MAP3K3: variants seen among roughly 807,000 people sequenced by gnomAD.
MAP3K3 encodes the protein mitogen-activated protein kinase kinase kinase 3.
Under a neutral mutation model 80.9 loss-of-function variants are expected in MAP3K3, and 12 were observed. That is an observed-to-expected ratio of 0.15 (90% CI 0.10 to 0.24). MAP3K3 has a LOEUF of 0.24. Ranked by LOEUF, MAP3K3 falls within the 10% of genes least tolerant of loss-of-function variation. MAP3K3 has a pLI of 1.00. For missense variants in MAP3K3, 596 were observed against 834.7 expected, an observed-to-expected ratio of 0.71 and a Z score of 3.52; for synonymous variants, 272 against 307.1, an observed-to-expected ratio of 0.89 and a Z score of 1.19.
intron 10 of MAP3K3, 76 bp downstream of exon 10, chr17:63,688,957 C>A: frequency 1.0e-6 from 1 of 1,004,972 alleles, no homozygotes; most frequent in Non-Finnish European, 1.6e-6. Flanking sequence ...TGGGTTCGTC[C>A]ATGCAGTGCC....
At chr17:63,672,203 A>G (rs1010876923) in intron 6 of MAP3K3, among the ~76,000 whole-genome samples, 1 of 151,768 alleles carries the variant, frequency 6.6e-6, no homozygotes, top group African/African-American at 2.4e-5. Flanking sequence ...GAATTGTTTG[A>G]ACCCGGGAGG....
chr17:63,685,206 A>G (rs2035422114), intron 7 of MAP3K3, among the ~76,000 whole-genome samples: 1 of 152,192 alleles, frequency 6.6e-6, no homozygotes, highest in South Asian at 2.1e-4. Context: ...GGGTAGTACC[A>G]TCTCCAGCGC....
At chr17:63,636,839 C>T (rs768352845) in intron 2 of MAP3K3, 3 of 357,948 alleles carry the variant, frequency 8.4e-6, no homozygotes, top group Non-Finnish European at 5.5e-6. Context: ...AAGAAGACTG[C>T]GTTGGTGGTC....
chr17:63,628,830 A>T (rs372510401), intron 1 of MAP3K3, among the ~76,000 whole-genome samples: 6 of 152,342 alleles, frequency 3.9e-5, no homozygotes, highest in South Asian at 4.1e-4. Flanking sequence ...AAAATTAAGT[A>T]TTAGGGTAGA....
intron 1 of MAP3K3, among the ~76,000 whole-genome samples, chr17:63,626,960 T>C (rs187225311): frequency 3.7e-3 from 558 of 152,234 alleles, no homozygotes; most frequent in Non-Finnish European, 4.8e-3. Context: ...GGGATAACAA[T>C]GTTTATTAGA....
At chr17:63,625,334 C>T (rs1467558885) in intron 1 of MAP3K3, among the ~76,000 whole-genome samples, 1 of 151,680 alleles carries the variant, frequency 6.6e-6, no homozygotes, top group African/African-American at 2.4e-5. Flanking sequence ...TTGGGATTGA[C>T]TGGTTGTTTT....
At chr17:63,651,619 A>C (rs1045345515) in intron 3 of MAP3K3, among the ~76,000 whole-genome samples, 1 of 152,190 alleles carries the variant, frequency 6.6e-6, no homozygotes, top group Non-Finnish European at 1.5e-5. Flanking sequence ...TGTTTTATCA[A>C]TTCCCACTTT....
chr17:63,690,175 C>T, intron 11 of MAP3K3, 89 bp from the exon 12 acceptor site: 1 of 1,454,854 alleles, frequency 6.9e-7, no homozygotes, highest in Non-Finnish European at 9.3e-7. Context: ...TGAGGGGGAG[C>T]CTGAGCCAGA....
chr17:63,646,159 T>C (rs2034537942), intron 3 of MAP3K3, 85 bp downstream of exon 3: 3 of 1,256,454 alleles, frequency 2.4e-6, no homozygotes, highest in Non-Finnish European at 3.5e-6. Flanking sequence ...CATTCCCCTG[T>C]CCTGATCCCT....
chr17:63,652,539 C>G lies in MAP3K3; in HGVS notation c.168-18C>G, dbSNP rs776200737. 1.3e-6 allele frequency: 2 copies of G among 1,577,894 alleles called. No homozygotes were observed. The highest frequency in any genetic ancestry group is 1.7e-6 in the Non-Finnish European group (2 of 1,147,282). On this transcript the variant is annotated intron_variant, in intron 3 of 15. Transcript: ENST00000361733. ...TTAAGTATACAATTAACCAACCTTT[C>G]TTTCTGTTTCTTTTCAGAATTATAG...
At chr17:63,648,730 G>T (rs145561922) in intron 3 of MAP3K3, among the ~76,000 whole-genome samples, 1 of 152,070 alleles carries the variant, frequency 6.6e-6, no homozygotes, top group African/African-American at 2.4e-5. Flanking sequence ...CAGGAGAATC[G>T]CTTGAACCTG....
chr17:63,690,009 A>AG, intron 11 of MAP3K3: 1 of 580,164 alleles, frequency 1.7e-6, no homozygotes, highest in Non-Finnish European at 3.0e-6. Flanking sequence ...GGGCTTTGGA[A>AG]GGAAATGCAT....
chr17:63,693,411 C>G lies in MAP3K3; in HGVS notation c.1653-138C>G. 1.5e-6 allele frequency: 1 copy of G among 662,380 alleles called. No individual in the cohort carries two copies. Among genetic ancestry groups the G allele is most frequent in the Non-Finnish European group, 2.6e-6 (1 of 388,830 alleles). The allele number at this position is 662,380 out of a possible 1,614,324, so 41.0% of individuals were successfully genotyped here. The stretch of plus-strand genomic sequence containing the variant: ...CATGAAGCCCACGTGGACAGACATC[C>G]AAGCTGAGGTATCCCTCAGCTTGGC... On this transcript the variant is annotated intron_variant, in intron 15 of 15. Coordinates refer to ENST00000361733, the MANE Select transcript of MAP3K3 (RefSeq NM_002401.5). The surrounding 1 kb of genome is among the most constrained non-coding windows in gnomAD (Gnocchi z 4.2).
At chr17:63,685,778 C>T (rs565114121) in intron 8 of MAP3K3, among the ~76,000 whole-genome samples, 188 bp downstream of exon 8, 9 of 152,304 alleles carry the variant, frequency 5.9e-5, no homozygotes, top group African/African-American at 2.2e-4. Flanking sequence ...AATAATAGCT[C>T]ATAAAATAGC....
chr17:63,690,724 C>G (rs2035568018), intron 12 of MAP3K3: 1 of 438,862 alleles, frequency 2.3e-6, no homozygotes, highest in Non-Finnish European at 4.2e-6. Flanking sequence ...CTCCCCAGCT[C>G]TCAGCCCAGG....
chr17:63,692,092 C>G lies in MAP3K3; in HGVS notation c.1475-150C>G. ...TTTTGTGCGGTAGATCTGAGACTCC[C>G]CTTTGCTAAATCCTTTGCCCTTTGC... is the stretch of plus-strand genomic sequence containing the variant. On this transcript the variant is annotated intron_variant, in intron 14 of 15. Coordinates refer to ENST00000361733, the MANE Select transcript of MAP3K3 (RefSeq NM_002401.5). The surrounding 1 kb of genome is among the most constrained non-coding windows in gnomAD (Gnocchi z 4.5). 1.0e-6 allele frequency: 1 copy of G among 957,014 alleles called. No homozygotes were observed. Among genetic ancestry groups the G allele is most frequent in the South Asian group, 1.6e-5 (1 of 64,234 alleles). 59.3% of individuals were successfully genotyped at this position (957,014 alleles called of 1,614,324 possible).
chr17:63,646,161 C>A (rs999233996), intron 3 of MAP3K3, 87 bp downstream of exon 3: 1 of 1,246,452 alleles, frequency 8.0e-7, no homozygotes, highest in Non-Finnish European at 1.2e-6. Context: ...TTCCCCTGTC[C>A]TGATCCCTGT....
chr17:63,691,843 T>C lies in MAP3K3; in HGVS notation c.1455T>C (p.Ile485=). The C allele has an allele frequency of 6.2e-7, 1 of 1,614,056 alleles. No individual in the cohort carries two copies. The highest frequency in any genetic ancestry group is 8.5e-7 in the Non-Finnish European group (1 of 1,179,958). The change falls in exon 14 of 16, where the codon ATT becomes ATC. Residue 485 remains isoleucine (I), a synonymous_variant. Transcript: ENST00000361733. The surrounding 1 kb of genome is among the most constrained non-coding windows in gnomAD (Gnocchi z 4.8). Reference sequence around the variant, plus strand: ...TGTCCTACCTGCACAGCAACATGATTGTTCACCGGGACATTAAGGGTGAGC... The same window carrying C: ...TGTCCTACCTGCACAGCAACATGATCGTTCACCGGGACATTAAGGGTGAGC... The part of the protein sequence containing the change: ...EGMSYLHSNM[I]VHRDIKGANI...
rs902103224 is a variant in MAP3K3 at position 63,695,017 on chromosome 17, C to T, written c.*1240C>T. ...CGCTGGTCCTTTCTTCCGGCCCCTC[C>T]CCTCCAAAATGTGCCTATTGCTAGA... On this transcript the variant is annotated 3_prime_UTR_variant, in exon 16 of 16. Transcript: ENST00000361733. The surrounding 1 kb of genome is among the most constrained non-coding windows in gnomAD (Gnocchi z 4.1). 6.6e-6 allele frequency: 1 copy of T among 152,558 alleles called. No homozygotes were observed. Among genetic ancestry groups the T allele is most frequent in the Admixed American group, 6.6e-5 (1 of 15,262 alleles). 9.5% of individuals were successfully genotyped at this position (152,558 alleles called of 1,614,324 possible).
Sources: gnomAD v4.1 joint callset for allele counts (sites outside exome capture counted in the v4.1 genomes callset) on GRCh38, gnomAD v4.1.1 for gene constraint, Gnocchi (gnomAD v3.1) non-coding constraint, MANE v1.5 for transcripts, NCBI Gene and HGNC (gene_info 2026-07-23, HGNC 2026-07-21) for gene names.